CNTN4: variants seen among roughly 807,000 people sequenced by gnomAD.
CNTN4 encodes the protein contactin 4.
A neutral mutation model predicts 122.5 loss-of-function variants in CNTN4; 77 were observed. The ratio of observed to expected loss-of-function variants is 0.63; its 90% CI spans 0.52 to 0.76. CNTN4 has a LOEUF of 0.76. Ranked by LOEUF, CNTN4 falls within the 30% of genes least tolerant of loss-of-function variation. The pLI is 0.00. For missense variants in CNTN4, 1,256 were observed against 1,259.1 expected, an observed-to-expected ratio of 1.00 and a Z score of 0.04; for synonymous variants, 512 against 447.0, an observed-to-expected ratio of 1.15 and a Z score of -1.83.
intron 2 of CNTN4, among the ~76,000 whole-genome samples, chr3:2,125,330 C>CTGTGTGTGTGTGTGTG (rs397721422): frequency 1.5e-3 from 217 of 143,462 alleles, no homozygotes; most frequent in Admixed American, 2.4e-3. Flanking sequence ...ATTCTATTCT[C>CTGTGTGTGTGTGTGTG]TGTGTGTGTG....
At chr3:2,201,251 T>G (rs544181658) in intron 2 of CNTN4, among the ~76,000 whole-genome samples, 1 of 152,238 alleles carries the variant, frequency 6.6e-6, no homozygotes, top group Middle Eastern at 3.4e-3. Context: ...TGTAATTAGC[T>G]TCAAGAATAC....
At chr3:2,821,751 T>A (rs1272904570) in intron 7 of CNTN4, among the ~76,000 whole-genome samples, 1 of 152,206 alleles carries the variant, frequency 6.6e-6, no homozygotes, top group African/African-American at 2.4e-5. Context: ...AGGATTCCAC[T>A]AAGGTCTGTA....
At chr3:2,365,153 G>A (rs1216987484) in intron 3 of CNTN4, among the ~76,000 whole-genome samples, 1 of 151,962 alleles carries the variant, frequency 6.6e-6, no homozygotes, top group African/African-American at 2.4e-5. Flanking sequence ...CCCTTGTAAC[G>A]AGTACAGGTA....
chr3:2,917,265 C>CGGCTT (rs1553692402), intron 12 of CNTN4, among the ~76,000 whole-genome samples: 1 of 151,174 alleles, frequency 6.6e-6, no homozygotes, highest in Non-Finnish European at 1.5e-5. Context: ...AGTCCAGCTT[C>CGGCTT]GGCATCAGAG....
At chr3:2,669,233 G>C in intron 4 of CNTN4, among the ~76,000 whole-genome samples, 1 of 152,216 alleles carries the variant, frequency 6.6e-6, no homozygotes, top group East Asian at 1.9e-4. Flanking sequence ...GACTTTCTTT[G>C]GTTGGTAAGC....
intron 3 of CNTN4, among the ~76,000 whole-genome samples, chr3:2,361,743 G>C (rs2045152518): frequency 6.6e-6 from 1 of 152,098 alleles, no homozygotes; most frequent in Non-Finnish European, 1.5e-5. Flanking sequence ...TTGTACTATT[G>C]TGTGGCCGTA....
In CNTN4 at chr3:2,573,646, C is replaced by G. The variant is rs1289964473; in HGVS notation, c.55+2088C>G. On this transcript the variant is annotated intron_variant, in intron 4 of 24. Transcript: ENST00000418658. ...GTTAAAAATCAAGAAAGCCACTACTCTCTTCAGTAGTGTTTTGAAAAACTT... is the reference window on the plus strand; with the variant it reads ...GTTAAAAATCAAGAAAGCCACTACTGTCTTCAGTAGTGTTTTGAAAAACTT... Among the ~76,000 whole-genome samples the G allele has an allele frequency of 6.6e-5, 10 of 152,174 alleles. No homozygotes were observed. The South Asian group carries it at 2.1e-3, about 32-fold the overall frequency.
chr3:2,258,565 C>A (rs1203568959), intron 2 of CNTN4, among the ~76,000 whole-genome samples: 1 of 152,102 alleles, frequency 6.6e-6, no homozygotes, highest in Non-Finnish European at 1.5e-5. Context: ...CCTTTTTAAT[C>A]ATCTCATCCT....
At chr3:3,032,854 G>T (rs559973429) in intron 16 of CNTN4, among the ~76,000 whole-genome samples, 1 of 152,174 alleles carries the variant, frequency 6.6e-6, no homozygotes, top group Non-Finnish European at 1.5e-5. Context: ...CATTTTGAAA[G>T]AGGGAGTCCA....
At chr3:2,289,890 G>C (rs1034372124) in intron 2 of CNTN4, among the ~76,000 whole-genome samples, 3 of 152,120 alleles carry the variant, frequency 2.0e-5, no homozygotes, top group African/African-American at 7.2e-5. Flanking sequence ...GTTCTTTCTA[G>C]ACATTTGATG....
chr3:2,771,717 A>G (rs2091108372), intron 6 of CNTN4, among the ~76,000 whole-genome samples: 1 of 152,218 alleles, frequency 6.6e-6, no homozygotes, highest in African/African-American at 2.4e-5. Context: ...AATAAGGAAG[A>G]TCTTGTACTT....
At chr3:2,857,910 T>A (rs2093633261) in intron 7 of CNTN4, among the ~76,000 whole-genome samples, 1 of 152,240 alleles carries the variant, frequency 6.6e-6, no homozygotes, top group Non-Finnish European at 1.5e-5. Flanking sequence ...ATATTTGTTT[T>A]CTTCAGCACC....
At chr3:2,717,993 C>T (rs2087603876) in intron 4 of CNTN4, among the ~76,000 whole-genome samples, 1 of 151,968 alleles carries the variant, frequency 6.6e-6, no homozygotes, top group Non-Finnish European at 1.5e-5. Context: ...AAGTCCTTTA[C>T]CTATTTTTTA....
intron 6 of CNTN4, among the ~76,000 whole-genome samples, chr3:2,764,227 A>G (rs1212917980): frequency 6.6e-6 from 1 of 152,200 alleles, no homozygotes; most frequent in African/African-American, 2.4e-5. Context: ...CACTAGAAAT[A>G]TGTGATCACC....
At chr3:2,269,390 G>A (rs141493561) in intron 2 of CNTN4, among the ~76,000 whole-genome samples, 83 of 152,174 alleles carry the variant, frequency 5.5e-4, no homozygotes, top group African/African-American at 1.9e-3. Context: ...ATGCATTTCA[G>A]CATCTCTAAA....
At chr3:2,204,674 T>A (rs1419902521) in intron 2 of CNTN4, among the ~76,000 whole-genome samples, 2 of 152,008 alleles carry the variant, frequency 1.3e-5, no homozygotes, top group Non-Finnish European at 2.9e-5. Context: ...TGTTAATTTT[T>A]GTTTTTTTTT....
At chr3:2,537,937 G>A (rs960527125) in intron 3 of CNTN4, among the ~76,000 whole-genome samples, 1 of 152,006 alleles carries the variant, frequency 6.6e-6, no homozygotes, top group Admixed American at 6.6e-5. Context: ...AAATTGTATA[G>A]AATGAATTGT....
chr3:2,876,865 A>T (rs1453562984), intron 8 of CNTN4, among the ~76,000 whole-genome samples: 1 of 152,130 alleles, frequency 6.6e-6, no homozygotes, highest in African/African-American at 2.4e-5. Context: ...AGCCCTTAAG[A>T]TATGTTTATT....
intron 8 of CNTN4, among the ~76,000 whole-genome samples, chr3:2,870,771 A>G (rs1199474310): frequency 6.6e-6 from 1 of 152,220 alleles, no homozygotes; most frequent in Non-Finnish European, 1.5e-5. Context: ...CTAAGAGCAC[A>G]TGTAGCTGGC....
Sources: gnomAD v4.1 joint callset for allele counts (sites outside exome capture counted in the v4.1 genomes callset) on GRCh38, gnomAD v4.1.1 for gene constraint, MANE v1.5 for transcripts, NCBI Gene and HGNC (gene_info 2026-07-23, HGNC 2026-07-21) for gene names.